Variants in CNTNAP5 observed in about 807,000 individuals in gnomAD.
CNTNAP5 encodes contactin associated protein family member 5.
In CNTNAP5, 72 loss-of-function variants were observed where a neutral mutation model predicts 150.2. That is an observed-to-expected ratio of 0.48 (90% CI 0.40 to 0.58). CNTNAP5 has a LOEUF of 0.58. Among genes scored for constraint, CNTNAP5 ranks in the 20% least tolerant of loss-of-function variants. The pLI is 0.00. For synonymous variants in CNTNAP5, 672 were observed against 619.8 expected, an observed-to-expected ratio of 1.08 and a Z score of -1.25; for missense variants, 1,636 against 1,626.2, an observed-to-expected ratio of 1.01 and a Z score of -0.10.
intron 14 of CNTNAP5, among the ~76,000 whole-genome samples, chr2:124,750,589 G>A (rs1157345504): frequency 6.6e-6 from 1 of 152,066 alleles, no homozygotes; most frequent in South Asian, 2.1e-4. Flanking sequence ...GAAAGTCAGG[G>A]GCATTACGGT....
chr2:124,328,858 C>G (rs111973606), intron 3 of CNTNAP5, among the ~76,000 whole-genome samples: 1 of 151,950 alleles, frequency 6.6e-6, no homozygotes, highest in African/African-American at 2.4e-5. Context: ...TCCTCTTTAC[C>G]GCCAGAAGGT....
At chr2:124,027,331 C>T (rs989869668) in intron 1 of CNTNAP5, among the ~76,000 whole-genome samples, 17 of 152,194 alleles carry the variant, frequency 1.1e-4, no homozygotes, top group Non-Finnish European at 2.4e-4. Context: ...TCAGTATTGT[C>T]CTAATGATAC....
chr2:124,029,488 T>C (rs1466446465), intron 1 of CNTNAP5, among the ~76,000 whole-genome samples: 1 of 152,038 alleles, frequency 6.6e-6, no homozygotes, highest in East Asian at 1.9e-4. Context: ...ATCTCAAAAC[T>C]AAATTGATAT....
chr2:124,756,658 C>T (rs1680845932), intron 14 of CNTNAP5, among the ~76,000 whole-genome samples: 1 of 152,052 alleles, frequency 6.6e-6, no homozygotes, highest in Non-Finnish European at 1.5e-5. Flanking sequence ...TAAATTAACA[C>T]AGGAGGAGGA....
At position 124,871,260 on chromosome 2, in the gene CNTNAP5, A is replaced by G. The variant is rs546027093; in HGVS notation, c.3436+1498A>G. Among the ~76,000 whole-genome samples, 3 of 152,168 alleles carry G rather than the reference A, an allele frequency of 2.0e-5. No individual in the cohort carries two copies. In the East Asian group the frequency reaches 5.8e-4, roughly 29 times the overall value. On this transcript the variant is annotated intron_variant, in intron 21 of 23. Transcript: ENST00000682447. ...CTGTTTAAGGTTCCCTTCATTATAC[A>G]TACATATACATATTTACTTACTTAT... is the stretch of plus-strand genomic sequence containing the variant.
intron 12 of CNTNAP5, among the ~76,000 whole-genome samples, chr2:124,621,769 A>G (rs7573997): frequency 0.082 from 12,456 of 152,128 alleles, 672 homozygotes; most frequent in African/African-American, 0.15. Flanking sequence ...CATGACATAA[A>G]ATGGGACCAC....
At chr2:124,209,247 G>A (rs1685942871) in intron 1 of CNTNAP5, among the ~76,000 whole-genome samples, 1 of 152,096 alleles carries the variant, frequency 6.6e-6, no homozygotes, top group African/African-American at 2.4e-5. Context: ...TGCAAAATGA[G>A]AGGGTGTTGG....
chr2:124,712,083 G>T (rs1357935076), intron 13 of CNTNAP5, among the ~76,000 whole-genome samples: 3 of 152,120 alleles, frequency 2.0e-5, no homozygotes, highest in Non-Finnish European at 4.4e-5. Flanking sequence ...AGGAGTGTGT[G>T]ATATGTCTGT....
intron 10 of CNTNAP5, among the ~76,000 whole-genome samples, chr2:124,558,452 C>G (rs1336637009): frequency 9.5e-5 from 1 of 10,526 alleles, no homozygotes; most frequent in Non-Finnish European, 3.0e-4. Context: ...TAGACACCCA[C>G]GTGGAGCTGT....
chr2:124,078,472 T>G (rs1360858425), intron 1 of CNTNAP5, among the ~76,000 whole-genome samples: 1 of 152,214 alleles, frequency 6.6e-6, no homozygotes, highest in Non-Finnish European at 1.5e-5. Context: ...GAGTTTGAAT[T>G]CCAGTTCTTG....
intron 3 of CNTNAP5, among the ~76,000 whole-genome samples, chr2:124,327,626 CT>C (rs1296471478): frequency 6.6e-5 from 10 of 152,196 alleles, no homozygotes; most frequent in African/African-American, 2.2e-4. Context: ...TCCACAACTC[CT>C]TATTGTAACC....
intron 3 of CNTNAP5, among the ~76,000 whole-genome samples, chr2:124,399,373 C>T (rs1411281226): frequency 2.6e-5 from 4 of 152,152 alleles, no homozygotes; most frequent in South Asian, 2.1e-4. Context: ...AAAAAAGACA[C>T]ATGATGTCTG....
intron 14 of CNTNAP5, among the ~76,000 whole-genome samples, chr2:124,753,413 A>G (rs1022225625): frequency 2.0e-5 from 3 of 152,182 alleles, no homozygotes; most frequent in Non-Finnish European, 2.9e-5. Context: ...GTATTTTTAG[A>G]TAGGTCAGGC....
chr2:124,832,035 A>G (rs1407798705), intron 19 of CNTNAP5, among the ~76,000 whole-genome samples: 1 of 152,108 alleles, frequency 6.6e-6, no homozygotes, highest in Non-Finnish European at 1.5e-5. Flanking sequence ...AGTCTTACTT[A>G]TAAAAAGAAT....
At chr2:124,726,088 G>A (rs780329480) in intron 13 of CNTNAP5, among the ~76,000 whole-genome samples, 2 of 151,896 alleles carry the variant, frequency 1.3e-5, no homozygotes, top group Non-Finnish European at 2.9e-5. Flanking sequence ...TTCCCACCAA[G>A]AGTGTACAAG....
chr2:124,065,009 C>A (rs913125996), intron 1 of CNTNAP5, among the ~76,000 whole-genome samples: 1 of 152,092 alleles, frequency 6.6e-6, no homozygotes, highest in Non-Finnish European at 1.5e-5. Context: ...TGGATTAATT[C>A]TTTTTATTTT....
At chr2:124,119,699 G>A (rs2104714711) in intron 1 of CNTNAP5, among the ~76,000 whole-genome samples, 1 of 152,202 alleles carries the variant, frequency 6.6e-6, no homozygotes, top group African/African-American at 2.4e-5. Flanking sequence ...TTTGAAGCCA[G>A]GAGTTAGAGA....
intron 1 of CNTNAP5, among the ~76,000 whole-genome samples, chr2:124,055,030 G>A (rs1681808024): frequency 6.6e-6 from 1 of 152,074 alleles, no homozygotes; most frequent in Non-Finnish European, 1.5e-5. Flanking sequence ...CTTCCTATCT[G>A]AGTTTCCTTA....
intron 10 of CNTNAP5, among the ~76,000 whole-genome samples, chr2:124,556,597 G>A (rs1024264788): frequency 1.3e-5 from 2 of 152,138 alleles, no homozygotes; most frequent in Non-Finnish European, 2.9e-5. Flanking sequence ...CCAGTTAGCT[G>A]AAAATTGTAG....
Sources: gnomAD v4.1 joint callset for allele counts (sites outside exome capture counted in the v4.1 genomes callset) on GRCh38, gnomAD v4.1.1 for gene constraint, MANE v1.5 for transcripts, NCBI Gene and HGNC (gene_info 2026-07-23, HGNC 2026-07-21) for gene names.